VIT: variants seen among roughly 807,000 people sequenced by gnomAD.
The protein encoded by VIT is vitrin.
A neutral mutation model predicts 78.0 loss-of-function variants in VIT; 99 were observed. That is an observed-to-expected ratio of 1.27 (90% confidence interval 1.08 to 1.50). The LOEUF (loss-of-function observed/expected upper bound fraction) is 1.50. Ranked by LOEUF, VIT falls within the 40% of genes most tolerant of loss-of-function variation. The probability of loss-of-function intolerance (pLI) is 0.00; values close to 1 mark genes in which losing one functional copy is unlikely to be tolerated. For missense variants in VIT, 1,126 were observed against 875.3 expected (o/e 1.29, Z -3.61); for synonymous variants, 374 against 334.3 (o/e 1.12, Z -1.29).
Position 36,814,617 on chromosome 2 carries a change from T to G in VIT, c.*256T>G, listed in dbSNP as rs1249192719. The G allele has an allele frequency of 8.8e-6, 4 of 457,088 alleles. No individual in the cohort carries two copies. Among genetic ancestry groups the G allele is most frequent in the African/African-American group, 5.8e-5 (3 of 51,294 alleles). 28.3% of individuals were successfully genotyped at this position (457,088 alleles called of 1,614,324 possible). ...GCTGGAGATTTTACATTTTGACAATTGTTTTCAAAATAAATGTTCGGAATA... is the reference window on the plus strand; with the variant it reads ...GCTGGAGATTTTACATTTTGACAATGGTTTTCAAAATAAATGTTCGGAATA... On this transcript the variant is annotated 3_prime_UTR_variant, in exon 16 of 16. Transcript: ENST00000379242.
At chr2:36,771,954 G>T (rs1309149633) in intron 7 of VIT, among the ~76,000 whole-genome samples, 2 of 152,174 alleles carry the variant, frequency 1.3e-5, no homozygotes, top group African/African-American at 4.8e-5. Flanking sequence ...GTACATGAGA[G>T]CATGTACATC....
chr2:36,786,267 G>A (rs993686943), intron 11 of VIT, among the ~76,000 whole-genome samples: 5 of 151,946 alleles, frequency 3.3e-5, no homozygotes, highest in African/African-American at 1.2e-4. Flanking sequence ...TAATCAAAGG[G>A]ATCTATAGCT....
rs1003072096 is a variant in VIT, at chr2:36,756,528, G to A, written c.409+1474G>A. On this transcript the variant is annotated intron_variant, in intron 5 of 15. Coordinates refer to ENST00000379242, the MANE Select transcript of VIT (RefSeq NM_053276.4). The stretch of plus-strand genomic sequence containing the variant: ...GCACCCCATGCCTCAAGCCCCTACC[G>A]TCCTCCACTGATTAGAGTCGTTAGC... Among the ~76,000 whole-genome samples, 4 of 152,120 alleles carry A rather than the reference G, an allele frequency of 2.6e-5. 1 individual carries two copies. Among genetic ancestry groups the A allele is most frequent in the South Asian group, 4.1e-4 (2 of 4,820 alleles).
At chr2:36,738,849 C>T (rs1228352554) in intron 3 of VIT, among the ~76,000 whole-genome samples, 21 of 152,236 alleles carry the variant, frequency 1.4e-4, no homozygotes, top group South Asian at 1.2e-3. Context: ...TGGAATTTTT[C>T]CTAATGGCAG....
intron 3 of VIT, among the ~76,000 whole-genome samples, chr2:36,738,077 C>T (rs1314824375): frequency 6.6e-6 from 1 of 152,154 alleles, no homozygotes. Flanking sequence ...GGGGTAAATG[C>T]ACAGATGCAT....
At chr2:36,726,477 C>G (rs556991912) in intron 2 of VIT, among the ~76,000 whole-genome samples, 88 of 152,240 alleles carry the variant, frequency 5.8e-4, no homozygotes, top group Admixed American at 1.8e-3. Context: ...TTACGTTTTT[C>G]TACAAAGAAC....
In VIT at chr2:36,775,053, C is replaced by G. The variant is rs34473120; in HGVS notation, c.788C>G (p.Ala263Gly). ...GCTGCCTTCCAGAAACCTGTTGGAG[C>G]GGATGTCAGCCTGGGTAAGCTGCCC... ...SGAAFQKPVG[A>G]DVSLGEMDSW... Residue 263 changes from alanine (A) to glycine (G), a missense_variant, in exon 9 of 16, where the codon GCG becomes GGG. Ala to Gly is a moderately conservative substitution (Grantham distance 60). Coordinates refer to ENST00000379242, the MANE Select transcript of VIT (RefSeq NM_053276.4). 2 of 1,613,800 alleles carry G rather than the reference C, an allele frequency of 1.2e-6. No individual in the cohort carries two copies. Among genetic ancestry groups the G allele is most frequent in the Admixed American group, 3.3e-5 (2 of 59,982 alleles).
chr2:36,738,793 G>A (rs960630959), intron 3 of VIT, among the ~76,000 whole-genome samples: 1 of 152,240 alleles, frequency 6.6e-6, no homozygotes, highest in African/African-American at 2.4e-5. Flanking sequence ...GTATTGGCAA[G>A]CCTAGACGTT....
At chr2:36,814,094 G>T (rs1667386647) in intron 15 of VIT, 89 bp from the exon 16 acceptor site, 3 of 1,487,540 alleles carry the variant, frequency 2.0e-6, no homozygotes, top group Admixed American at 2.1e-5. Flanking sequence ...TTTGGATTTG[G>T]CTGTGCCAAC....
At chr2:36,721,822 C>T (rs970501647) in intron 2 of VIT, among the ~76,000 whole-genome samples, 3 of 152,214 alleles carry the variant, frequency 2.0e-5, no homozygotes, top group African/African-American at 4.8e-5. Context: ...AAGCTTCCCT[C>T]CACCCCCTTT....
chr2:36,725,664 A>G (rs531379605), intron 2 of VIT, among the ~76,000 whole-genome samples: 10 of 152,306 alleles, frequency 6.6e-5, no homozygotes, highest in Non-Finnish European at 1.3e-4. Flanking sequence ...AAGATAAATA[A>G]AAAGTTTTTT....
chr2:36,812,724 G>A (rs75164332), intron 15 of VIT, among the ~76,000 whole-genome samples: 8 of 152,112 alleles, frequency 5.3e-5, no homozygotes, highest in Non-Finnish European at 8.8e-5. Flanking sequence ...CAAACTTCAG[G>A]AAAGGAGATG....
At chr2:36,774,483 G>A in intron 8 of VIT, 3 of 984,680 alleles carry the variant, frequency 3.0e-6, no homozygotes, top group Non-Finnish European at 3.6e-6. Context: ...CTTGGTGGAA[G>A]TATACCATTC....
rs116099357 is a variant in VIT, at chr2:36,793,410, G to C, written c.1058+6134G>C. 3.4e-3 allele frequency among the ~76,000 whole-genome samples: 519 copies of C among 152,332 alleles called. 3 individuals are homozygous for C. Among genetic ancestry groups the C allele is most frequent in the African/African-American group, 0.012 (488 of 41,584 alleles). ...ACCAGTTCCCATTCATCGAGGGCTA[G>C]TTGTGCAAAGTCCCTGAGCAGATTG... On this transcript the variant is annotated intron_variant, in intron 12 of 15. Coordinates refer to ENST00000379242, the MANE Select transcript of VIT (RefSeq NM_053276.4).
Position 36,759,337 on chromosome 2 carries a change from G to GA in VIT, c.487+295dup. The GA allele has an allele frequency of 9.1e-6, 13 of 1,425,752 alleles. No individual in the cohort carries two copies. In the South Asian group the frequency reaches 2.0e-4, roughly 22 times the overall value. 88.3% of individuals were successfully genotyped at this position (1,425,752 alleles called of 1,614,324 possible). On this transcript the variant is annotated intron_variant, in intron 6 of 15. Transcript: ENST00000379242. ...TGAGTTTTAATGTATTGTTGCTTTA[G>GA]AAAATGACATGACATTCTGTCCGGA...
chr2:36,765,068 T>C (rs11894158), intron 6 of VIT, among the ~76,000 whole-genome samples: 24,101 of 151,956 alleles, frequency 0.16, 2,249 homozygotes, highest in Non-Finnish European at 0.21. Flanking sequence ...CCTGGAACCA[T>C]TGAATGTTTC....
At chr2:36,739,336 C>A (rs755741891) in intron 3 of VIT, among the ~76,000 whole-genome samples, 6 of 152,144 alleles carry the variant, frequency 3.9e-5, no homozygotes, top group Admixed American at 3.3e-4. Context: ...TTTGATTTGG[C>A]CTACTACATA....
intron 15 of VIT, among the ~76,000 whole-genome samples, chr2:36,812,769 A>T (rs956682225): frequency 1.3e-5 from 2 of 151,504 alleles, no homozygotes; most frequent in Non-Finnish European, 2.9e-5. Flanking sequence ...TTCAGTCTCA[A>T]CTCACAGTAG....
chr2:36,719,919 G>A (rs1666389706), intron 2 of VIT, among the ~76,000 whole-genome samples: 2 of 152,116 alleles, frequency 1.3e-5, no homozygotes, highest in South Asian at 4.1e-4. Flanking sequence ...TCCAGCGTGG[G>A]TGACAGAGTG....
Sources: gnomAD v4.1 joint callset for allele counts (sites outside exome capture counted in the v4.1 genomes callset) on GRCh38, gnomAD v4.1.1 for gene constraint, MANE v1.5 for transcripts, NCBI Gene and HGNC (gene_info 2026-07-23, HGNC 2026-07-21) for gene names.